Variants in HDAC6 observed in about 807,000 individuals in gnomAD.
HDAC6 encodes the protein histone deacetylase 6, also known as protein deacetylase HDAC6.
HDAC6 carries 5 observed loss-of-function variants against 88.9 expected under a neutral mutation model. The observed-to-expected ratio is 0.06, with a 90% CI of 0.03 to 0.12. HDAC6 has a LOEUF of 0.12. Among genes scored for constraint, HDAC6 ranks in the 10% least tolerant of loss-of-function variants. The pLI is 1.00. For synonymous variants in HDAC6, 378 were observed against 398.0 expected, an observed-to-expected ratio of 0.95 and a Z score of 0.60; for missense variants, 706 against 1,014.4, an observed-to-expected ratio of 0.70 and a Z score of 4.13.
At chrX:48,803,948 A>C (rs1316350070) in intron 4 of HDAC6, among the ~76,000 whole-genome samples, 2 of 112,412 alleles carry the variant, frequency 1.8e-5, no homozygotes, top group Admixed American at 9.4e-5. Flanking sequence ...GGATCACTTG[A>C]GGTCAGGAGT....
intron 19 of HDAC6, 129 bp downstream of exon 19, chrX:48,816,762 G>T: frequency 1.9e-5 from 8 of 427,599 alleles, no homozygotes; most frequent in Admixed American, 4.6e-5. Context: ...AGGGGCACGG[G>T]AGGGGGTGGG....
Position 48,823,518 on chromosome X carries a change from C to G in HDAC6, c.3119C>G (p.Thr1040Ser). 8.3e-7 allele frequency: 1 copy of G among 1,210,756 alleles called. No homozygotes were observed. Among genetic ancestry groups the G allele is most frequent in the African/African-American group, 1.7e-5 (1 of 57,780 alleles). The change falls in exon 25 of 29, where the codon ACT (threonine) becomes AGT (serine). Residue 1040 changes from threonine (T) to serine (S), a missense_variant. This residue lies in a region of HDAC6 where 112 missense variants were observed against 95.1 expected (regional missense o/e 1.18). Coordinates refer to ENST00000334136, the MANE Select transcript of HDAC6 (RefSeq NM_006044.4). Reference protein sequence around the residue: ...QTPPTSPVQGTTPQISPSTLI... With the variant: ...QTPPTSPVQGSTPQISPSTLI... ...CCCCCAACCTCACCTGTGCAGGGAA[C>G]TACACCCCAGATATCTCCCAGTACA...
At chrX:48,802,300 G>T (rs963979373) in intron 1 of HDAC6, 158 bp downstream of exon 1, 1 of 890,290 alleles carries the variant, frequency 1.1e-6, no homozygotes, top group East Asian at 7.5e-5. Context: ...GTCTGGGCTG[G>T]GCTTAGAGGG....
chrX:48,814,578 C>A lies in HDAC6; in HGVS notation c.933+12C>A. ...TGCCTTGGAACCAGGTCAGCATCTA[C>A]CCACCTCTGCCCCCAAAGTGAGGCC... On this transcript the variant is annotated intron_variant, in intron 11 of 28. Transcript: ENST00000334136. The A allele has an allele frequency of 8.3e-7, 1 of 1,210,057 alleles. No homozygotes were observed. The highest frequency in any genetic ancestry group is 2.3e-4 in the Middle Eastern group (1 of 4,344).
rs2062818405 is a variant in HDAC6 at position 48,806,444 on chromosome X, G to A, written c.514G>A (p.Asp172Asn). Residue 172 changes from aspartate (D) to asparagine (N), a missense_variant, in exon 7 of 29, where the codon GAC becomes AAC. By Grantham distance (23) the Asp-to-Asn change is conservative. Coordinates refer to ENST00000334136, the MANE Select transcript of HDAC6 (RefSeq NM_006044.4). ...ACTCCGTGTCCTAGCAGACACCTAC[G>A]ACTCAGTTTATCTGCATCCGGTATG... The part of the protein sequence containing the change: ...GELRVLADTY[D>N]SVYLHPNSYS... 7 of 1,187,307 alleles carry A rather than the reference G, an allele frequency of 5.9e-6. No homozygotes were observed. Among genetic ancestry groups the A allele is most frequent in the African/African-American group, 1.8e-5 (1 of 56,822 alleles).
intron 20 of HDAC6, chrX:48,817,705 A>G: frequency 2.4e-6 from 1 of 412,752 alleles, no homozygotes. Context: ...CCACCCCAGC[A>G]TTTCTGGCCT....
In HDAC6 at chrX:48,820,235, C is replaced by T. The variant is rs2063059403; in HGVS notation, c.2317C>T (p.Arg773Cys). ...THLLMGLASGRIILILEGGYN... is the reference protein window; with the variant it reads ...THLLMGLASGCIILILEGGYN... ...CCTGCTGATGGGCCTTGCCAGTGGC[C>T]GCATTATCCTTATCCTAGAGGTAAC... is the stretch of plus-strand genomic sequence containing the variant. The change falls in exon 23 of 29, where the codon CGC (arginine) becomes TGC (cysteine). Residue 773 changes from arginine (R) to cysteine (C), a missense_variant. Transcript: ENST00000334136. The T allele has an allele frequency of 8.4e-7, 1 of 1,193,717 alleles. No homozygotes were observed.
Position 48,816,040 on chromosome X carries a change from A to C in HDAC6, c.1481A>C (p.Asn494Thr). 2.5e-6 allele frequency: 3 copies of C among 1,211,587 alleles called. No homozygotes were observed. Among genetic ancestry groups the C allele is most frequent in the Non-Finnish European group, 3.4e-6 (3 of 895,243 alleles). The change falls in exon 17 of 29, where the codon AAC becomes ACC. Residue 494 changes from asparagine to threonine, a missense_variant. Asn to Thr is a moderately conservative substitution (Grantham distance 65). Coordinates refer to ENST00000334136, the MANE Select transcript of HDAC6 (RefSeq NM_006044.4). ...GACCAAAATATGATGAATCACTGCA[A>C]CTTGTGGGACAGGTAGGCATTTGGA... is the stretch of plus-strand genomic sequence containing the variant. ...VYDQNMMNHC[N>T]LWDSHHPEVP...
chrX:48,820,126 G>T lies in HDAC6; in HGVS notation c.2208G>T (p.Leu736=). The T allele has an allele frequency of 8.3e-7, 1 of 1,211,318 alleles. No homozygotes were observed. Among genetic ancestry groups the T allele is most frequent in the East Asian group, 3.0e-5 (1 of 33,853 alleles). ...CTCAGTTTAACCCAGAACTGGTGCTGGTCTCAGCTGGCTTTGATGCTGCAC... is the reference window on the plus strand; with the variant it reads ...CTCAGTTTAACCCAGAACTGGTGCTTGTCTCAGCTGGCTTTGATGCTGCAC... ...IAYEFNPELV[L]VSAGFDAARG... is the part of the protein sequence containing the mutation. Residue 736 remains leucine, a synonymous_variant, in exon 23 of 29, where the codon CTG becomes CTT. Coordinates refer to ENST00000334136, the MANE Select transcript of HDAC6 (RefSeq NM_006044.4).
Position 48,806,579 on chromosome X carries a change from T to G in HDAC6, c.535-30T>G, listed in dbSNP as rs182274491. On this transcript the variant is annotated intron_variant, in intron 7 of 28. Transcript: ENST00000334136. ...TGGATAGGGCTGTTCTCTCCCTTAC[T>G]CCCTTTCTGGCTCCCCACTGTCTCT... The G allele has an allele frequency of 8.9e-6, 10 of 1,122,400 alleles. No homozygotes were observed. The African/African-American group carries it at 1.6e-4, about 18-fold the overall frequency. 92.5% of individuals were successfully genotyped at this position (1,122,400 alleles called of 1,213,427 possible). A position where few individuals can be genotyped will look rare whatever the true frequency, so the allele number is the denominator to read the frequency against.
chrX:48,803,072 C>T (rs1159546830), intron 3 of HDAC6, 56 bp from the exon 4 acceptor site: 52 of 1,195,285 alleles, frequency 4.4e-5, no homozygotes, highest in Middle Eastern at 2.3e-4. Context: ...CTGGACAGTT[C>T]CCTCTGACTC....
rs781859538 is a variant in HDAC6, at chrX:48,823,778, C to A, written c.3296C>A (p.Thr1099Asn). The change falls in exon 26 of 29, where the codon ACT becomes AAT. Residue 1099 changes from threonine to asparagine, a missense_variant. Physicochemically the swap from Thr to Asn is moderately conservative, Grantham distance 65. Coordinates refer to ENST00000334136, the MANE Select transcript of HDAC6 (RefSeq NM_006044.4). ...CTGATGCAGGGATCTAGGGGCCTCA[C>A]TGATCAGGTGAGCTCAGGGAGAGGC... ...SMLMQGSRGLTDQAIFYAVTP... is the reference protein window; with the variant it reads ...SMLMQGSRGLNDQAIFYAVTP... 27 of 1,204,848 alleles carry A rather than the reference C, an allele frequency of 2.2e-5. No individual in the cohort carries two copies. Among genetic ancestry groups the A allele is most frequent in the Non-Finnish European group, 3.0e-5 (27 of 889,572 alleles).
At chrX:48,819,293 G>GGT (rs1334868459) in intron 22 of HDAC6, among the ~76,000 whole-genome samples, 2 of 112,033 alleles carry the variant, frequency 1.8e-5, no homozygotes, top group Non-Finnish European at 3.8e-5. Context: ...TGATCTATAT[G>GGT]GTACTGTCTG....
intron 10 of HDAC6, among the ~76,000 whole-genome samples, chrX:48,811,887 G>A (rs1038262436): frequency 9.0e-6 from 1 of 111,510 alleles, no homozygotes; most frequent in African/African-American, 3.3e-5. Flanking sequence ...CTCATTGGCC[G>A]ATCTCATTTC....
intron 23 of HDAC6, among the ~76,000 whole-genome samples, chrX:48,820,495 C>T (rs2063063417): frequency 1.1e-5 from 1 of 88,646 alleles, no homozygotes; most frequent in African/African-American, 4.2e-5. Context: ...GGCAAAGCAG[C>T]CTTATGAGGT....
chrX:48,804,930 G>A (rs1198985052), intron 4 of HDAC6, among the ~76,000 whole-genome samples: 2 of 109,941 alleles, frequency 1.8e-5, no homozygotes. Context: ...GGGGGGGCCA[G>A]CTAGAGTAAA....
Position 48,824,889 on chromosome X carries a change from A to G in HDAC6, c.*277A>G. ...GCTCAGTGGCCCCAAGAGGGAGCTG[A>G]TATCATGAGGATAACATTGGCGGGA... On this transcript the variant is annotated 3_prime_UTR_variant, in exon 29 of 29. Coordinates refer to ENST00000334136, the MANE Select transcript of HDAC6 (RefSeq NM_006044.4). The G allele has an allele frequency of 8.1e-6, 9 of 1,110,428 alleles. No individual in the cohort carries two copies. The highest frequency in any genetic ancestry group is 1.1e-5 in the Non-Finnish European group (9 of 844,450). The allele number at this position is 1,110,428 out of a possible 1,213,427, so 91.5% of individuals were successfully genotyped here. A position where few individuals can be genotyped will look rare whatever the true frequency, so the allele number is the denominator to read the frequency against.
chrX:48,807,985 G>A, intron 8 of HDAC6, 48 bp from the exon 9 acceptor site: 1 of 870,240 alleles, frequency 1.1e-6, no homozygotes, highest in Non-Finnish European at 1.7e-6. Context: ...TCTCTGCAGA[G>A]GAGGACCCCT....
chrX:48,812,916 CT>C (rs1239358788), intron 10 of HDAC6, among the ~76,000 whole-genome samples: 78 of 109,072 alleles, frequency 7.2e-4, no homozygotes, highest in African/African-American at 2.3e-3. Context: ...CTTTTCCTTT[CT>C]TTTTTTTTGA....
Sources: allele counts gnomAD v4.1 joint callset (sites outside exome capture counted in the v4.1 genomes callset), GRCh38; gene constraint gnomAD v4.1.1; regional missense constraint gnomAD v4.1.1; transcripts MANE v1.5; gene names NCBI Gene and HGNC (gene_info 2026-07-23, HGNC 2026-07-21).